The following NLRP11 variants were observed in gnomAD, a reference collection of about 807,000 sequenced individuals.
NLRP11 encodes NLR family pyrin domain containing 11.
Under a neutral mutation model 79.3 loss-of-function variants are expected in NLRP11, and 53 were observed. The ratio of observed to expected loss-of-function variants is 0.67; its 90% CI spans 0.54 to 0.84. The LOEUF is 0.84. NLRP11 is among the 40% of genes least tolerant of loss of function. The pLI, the probability that NLRP11 is intolerant of heterozygous loss-of-function variation, is 0.00. For missense variants in NLRP11, 1,264 were observed against 1,255.0 expected (o/e 1.01, Z -0.11); for synonymous variants, 518 against 462.6 (o/e 1.12, Z -1.54).
At chr19:55,821,252 C>G (rs1274492915) in intron 1 of NLRP11, among the ~76,000 whole-genome samples, 1 of 143,540 alleles carries the variant, frequency 7.0e-6, no homozygotes, top group African/African-American at 2.7e-5. Context: ...CACACACACC[C>G]CAAGCACTGA....
In NLRP11 at chr19:55,817,895, C is replaced by T. The variant is rs1647849478; in HGVS notation, c.271+9G>A. ...GATTTCTGCCCACCCTTCTCGTGAC[C>T]CCACTCACGGTTTCGTCTGCCAATG... On this transcript the variant is annotated intron_variant, in intron 2 of 9. Transcript: ENST00000589093. 1 of 1,595,944 alleles carries T rather than the reference C, an allele frequency of 6.3e-7. No individual in the cohort carries two copies. The highest frequency in any genetic ancestry group is 8.6e-7 in the Non-Finnish European group (1 of 1,167,832).
rs1990105588 is a variant in NLRP11 at position 55,789,419 on chromosome 19, G to A, written c.2514-20C>T. ...GACAGACTGCAAAACAGAAACATGA[G>A]CTAGAGTCATGACCACCTGTCTCCA... On this transcript the variant is annotated intron_variant, in intron 7 of 9. Coordinates refer to ENST00000589093, the Ensembl canonical transcript of NLRP11. 1.9e-6 allele frequency: 3 copies of A among 1,601,792 alleles called. No homozygotes were observed. The highest frequency in any genetic ancestry group is 3.5e-5 in the Admixed American group (2 of 57,886).
At chr19:55,804,589 G>A (rs1289166026) in intron 4 of NLRP11, among the ~76,000 whole-genome samples, 1 of 152,080 alleles carries the variant, frequency 6.6e-6, no homozygotes, top group Non-Finnish European at 1.5e-5. Flanking sequence ...GAGAACAACA[G>A]ACACTGAGGT....
chr19:55,799,631 T>C (rs2122764299), intron 5 of NLRP11, among the ~76,000 whole-genome samples: 1 of 152,082 alleles, frequency 6.6e-6, no homozygotes, highest in East Asian at 1.9e-4. Flanking sequence ...TGGGAGAATG[T>C]GATAGGGAGA....
intron 2 of NLRP11, among the ~76,000 whole-genome samples, chr19:55,812,947 G>A (rs1020862112): frequency 6.6e-6 from 1 of 152,028 alleles, no homozygotes; most frequent in Non-Finnish European, 1.5e-5. Flanking sequence ...GTTATTTCAG[G>A]AACAACCTTG....
intron 8 of NLRP11, 77 bp from the exon 9 acceptor site, chr19:55,789,054 C>T (rs889986517): frequency 3.3e-6 from 5 of 1,534,870 alleles, no homozygotes; most frequent in Admixed American, 3.5e-5. Flanking sequence ...GAGAACTGGA[C>T]ATCTACTAGA....
At chr19:55,811,737 T>C (rs984849607) in intron 2 of NLRP11, among the ~76,000 whole-genome samples, 1 of 152,218 alleles carries the variant, frequency 6.6e-6, no homozygotes, top group Non-Finnish European at 1.5e-5. Flanking sequence ...TGGTTCATGA[T>C]TATAAACCAT....
At chr19:55,814,847 G>T (rs1980931640) in intron 2 of NLRP11, among the ~76,000 whole-genome samples, 1 of 152,154 alleles carries the variant, frequency 6.6e-6, no homozygotes, top group African/African-American at 2.4e-5. Context: ...ACAGAAGAGT[G>T]AGACAGGACA....
At chr19:55,835,804 G>A (rs1223555272), upstream of NLRP11, among the ~76,000 whole-genome samples, 1 of 148,678 alleles carries the variant, frequency 6.7e-6, no homozygotes, top group African/African-American at 2.5e-5. Context: ...CCAACATGGT[G>A]AAACCCTGTC....
At chr19:55,836,366 G>C (rs375776839), upstream of NLRP11, 1 of 152,118 alleles carries the variant, frequency 6.6e-6, no homozygotes, top group Non-Finnish European at 1.5e-5. Context: ...CGCTCTATAC[G>C]ACACCAGGAG....
Position 55,809,595 on chromosome 19 carries a change from C to T in NLRP11, c.1015G>A (p.Ala339Thr), listed in dbSNP as rs1418975995. Residue 339 changes from alanine (A) to threonine (T), a missense_variant, in exon 3 of 10, where the codon GCC becomes ACC. Physicochemically the swap from Ala to Thr is moderately conservative, Grantham distance 58. Transcript: ENST00000589093. The surrounding 1 kb of genome is among the most constrained non-coding windows in gnomAD (Gnocchi z 4.5). ...GTACACGTGATCCAGCATAAGATGG[C>T]GACTCGGCACAGACCCACGAGTATT... The T allele has an allele frequency of 1.2e-6, 2 of 1,614,050 alleles. No individual in the cohort carries two copies. The highest frequency in any genetic ancestry group is 1.7e-5 in the Admixed American group (1 of 59,986).
At chr19:55,797,298 T>TA (rs5828643) in intron 5 of NLRP11, among the ~76,000 whole-genome samples, 8,810 of 151,108 alleles carry the variant, frequency 0.058, 375 homozygotes, top group East Asian at 0.17. Flanking sequence ...GACGCATCTC[T>TA]AAAAAAAAAT....
chr19:55,796,026 G>C lies in NLRP11; in HGVS notation c.2342+54C>G, dbSNP rs920777812. 4 of 1,480,020 alleles carry C rather than the reference G, an allele frequency of 2.7e-6. No individual in the cohort carries two copies. The African/African-American group carries it at 5.5e-5, about 20-fold the overall frequency. 91.7% of individuals were successfully genotyped at this position (1,480,020 alleles called of 1,614,324 possible). A position where few individuals can be genotyped will look rare whatever the true frequency, so the allele number is the denominator to read the frequency against. ...CCACTGCTCTTTGATCATGTGCTTA[G>C]ATATTCAAGTCAGTCTGAGCTTCTA... On this transcript the variant is annotated intron_variant, in intron 6 of 9. Coordinates refer to ENST00000589093, the Ensembl canonical transcript of NLRP11.
At chr19:55,814,035 G>A (rs1240981348) in intron 2 of NLRP11, among the ~76,000 whole-genome samples, 1 of 152,172 alleles carries the variant, frequency 6.6e-6, no homozygotes, top group Non-Finnish European at 1.5e-5. Flanking sequence ...CCCCACAGCC[G>A]ATGGTGAGTG....
intron 1 of NLRP11, among the ~76,000 whole-genome samples, chr19:55,831,623 G>A (rs1027001011): frequency 6.6e-6 from 1 of 152,028 alleles, no homozygotes; most frequent in African/African-American, 2.4e-5. Context: ...TCACATAGAA[G>A]AATAGCATCC....
At chr19:55,829,785 G>T (rs1294542351) in intron 1 of NLRP11, among the ~76,000 whole-genome samples, 1 of 151,580 alleles carries the variant, frequency 6.6e-6, no homozygotes, top group East Asian at 1.9e-4. Context: ...AAACATATTA[G>T]AGGGAAATAC....
At chr19:55,833,532 G>A (rs1203946639), upstream of NLRP11, among the ~76,000 whole-genome samples, 1 of 151,992 alleles carries the variant, frequency 6.6e-6, no homozygotes, top group African/African-American at 2.4e-5. Context: ...TTGGGAGGCT[G>A]AAGCGGGCAG....
At chr19:55,801,640 A>G (rs894259883) in exon 5 of NLRP11, 1 of 1,614,002 alleles carries the variant, frequency 6.2e-7, no homozygotes. Flanking sequence ...TATTTAGGGA[A>G]ATGGACGTAC....
chr19:55,809,296 C>T lies in NLRP11; in HGVS notation c.1314G>A (p.Pro438=), dbSNP rs144528374. 1.6e-5 allele frequency: 26 copies of T among 1,613,892 alleles called. No homozygotes were observed. In the African/African-American group the frequency reaches 2.8e-4, roughly 17 times the overall value. ...TGTAACGGTCTTTATGAGTGTTGCT[C>T]GGCAAAAGAATATTCGCGGCCTGCA... The change falls in exon 3 of 10, where the codon CCG becomes CCA. Residue 438 remains proline, a synonymous_variant. Transcript: ENST00000589093. This position sits in a 1 kb window ranked among gnomAD's most constrained non-coding sequence, Gnocchi z 4.5.
Sources: gnomAD v4.1 joint callset for allele counts (sites outside exome capture counted in the v4.1 genomes callset) on GRCh38, gnomAD v4.1.1 for gene constraint, Gnocchi (gnomAD v3.1) non-coding constraint, MANE v1.5 for transcripts, NCBI Gene and HGNC (gene_info 2026-07-23, HGNC 2026-07-21) for gene names.